The following PEX19 variants were observed in gnomAD, a reference collection of about 807,000 sequenced individuals.
PEX19 encodes the protein 33 kDa housekeeping protein.
PEX19 carries 29 observed loss-of-function variants against 36.3 expected under a neutral mutation model. The ratio of observed to expected loss-of-function variants is 0.80; its 90% CI spans 0.60 to 1.09. The LOEUF (loss-of-function observed/expected upper bound fraction) is 1.09, where lower values mean the gene tolerates loss of function less well. Ranked by LOEUF, PEX19 falls within the 50% of genes least tolerant of loss-of-function variation. PEX19 has a pLI of 0.00. For missense variants in PEX19, 396 were observed against 368.1 expected, an observed-to-expected ratio of 1.08 and a Z score of -0.62; for synonymous variants, 141 against 135.2, an observed-to-expected ratio of 1.04 and a Z score of -0.30.
chr1:160,279,958 A>G, intron 6 of PEX19, 112 bp downstream of exon 6: 1 of 1,361,082 alleles, frequency 7.3e-7, no homozygotes, highest in Admixed American at 1.7e-5. Flanking sequence ...AGAGATCACA[A>G]GAGAGGATCC....
chr1:160,282,617 C>A, intron 3 of PEX19, 115 bp from the exon 4 acceptor site: 1 of 817,826 alleles, frequency 1.2e-6, no homozygotes. Context: ...CACTCCCAAT[C>A]TTGGAAAACC....
chr1:160,282,583 A>C, intron 3 of PEX19, 81 bp from the exon 4 acceptor site: 1 of 1,023,478 alleles, frequency 9.8e-7, no homozygotes, highest in African/African-American at 1.6e-5. Context: ...CTTGGATATG[A>C]AGCATTTACT....
rs1486056726 is a variant in PEX19 at position 160,279,031 on chromosome 1, G to C, written c.*520C>G. On this transcript the variant is annotated 3_prime_UTR_variant, in exon 8 of 8. Transcript: ENST00000368072. ...CCTTTCCCTTTAGAGAATTCAGAAT[G>C]GTCTGTCTGAAGGCAAGAGAGCATA... The C allele has an allele frequency of 4.4e-6, 2 of 454,276 alleles. No individual in the cohort carries two copies. The highest frequency in any genetic ancestry group is 2.0e-5 in the African/African-American group (1 of 50,102). 28.1% of individuals were successfully genotyped at this position (454,276 alleles called of 1,614,324 possible).
chr1:160,277,951 A>C lies in PEX19; in HGVS notation c.*1600T>G, dbSNP rs1657606646. On this transcript the variant is annotated 3_prime_UTR_variant, in exon 8 of 8. Coordinates refer to ENST00000368072, the MANE Select transcript of PEX19 (RefSeq NM_002857.4). ...CCAAATAGCCTGAGACCTTGAGAAC[A>C]TTTCCTTCCTCACCAATACCATAAA... is the stretch of plus-strand genomic sequence containing the variant. The C allele has an allele frequency of 1.4e-6, 1 of 695,186 alleles. No individual in the cohort carries two copies. Among genetic ancestry groups the C allele is most frequent in the East Asian group, 2.7e-5 (1 of 36,786 alleles). The allele number at this position is 695,186 out of a possible 1,614,324, so 43.1% of individuals were successfully genotyped here.
At position 160,278,812 on chromosome 1, in the gene PEX19, A is replaced by C. The variant is rs1449505776; in HGVS notation, c.*739T>G. ...TAAACAGGTGTTTAAAAAAGAGAGG[A>C]GGTAAAAGGGAGGATGGGCAGGGGA... On this transcript the variant is annotated 3_prime_UTR_variant, in exon 8 of 8. Coordinates refer to ENST00000368072, the MANE Select transcript of PEX19 (RefSeq NM_002857.4). 2 of 453,832 alleles carry C rather than the reference A, an allele frequency of 4.4e-6. No homozygotes were observed. The highest frequency in any genetic ancestry group is 8.8e-6 in the Non-Finnish European group (2 of 226,760). 28.1% of individuals were successfully genotyped at this position (453,832 alleles called of 1,614,324 possible). A position where few individuals can be genotyped will look rare whatever the true frequency, so the allele number is the denominator to read the frequency against.
In PEX19 at chr1:160,278,448, G is replaced by A. The variant is rs561417695; in HGVS notation, c.*1103C>T. ...TAATATACCTCACTCTGCAACTTAC[G>A]GAAGCTGAGGAAGATCAGAAAAAGA... is the stretch of plus-strand genomic sequence containing the variant. On this transcript the variant is annotated 3_prime_UTR_variant, in exon 8 of 8. Transcript: ENST00000368072. 90 of 566,966 alleles carry A rather than the reference G, an allele frequency of 1.6e-4. 2 individuals are homozygous for A. Among genetic ancestry groups the A allele is most frequent in the South Asian group, 7.2e-4 (47 of 65,488 alleles). The allele number at this position is 566,966 out of a possible 1,614,324, so 35.1% of individuals were successfully genotyped here.
intron 3 of PEX19, 74 bp from the exon 4 acceptor site, chr1:160,282,576 G>A: frequency 1.8e-6 from 2 of 1,112,742 alleles, no homozygotes; most frequent in South Asian, 1.3e-5. Flanking sequence ...TTAACAGCTT[G>A]GATATGAAGC....
At position 160,284,309 on chromosome 1, in the gene PEX19, T is replaced by C. The variant is rs201601057; in HGVS notation, c.71-670A>G. ...TTTCTGCCTGCCCACATCTCCGTGA[T>C]TGAGCAAGCGATTACAAATTCACCT... On this transcript the variant is annotated intron_variant, in intron 1 of 7. Coordinates refer to ENST00000368072, the MANE Select transcript of PEX19 (RefSeq NM_002857.4). The C allele has an allele frequency of 7.4e-6, 3 of 404,630 alleles. No individual in the cohort carries two copies. In the East Asian group the frequency reaches 2.1e-4, roughly 29 times the overall value. 25.1% of individuals were successfully genotyped at this position (404,630 alleles called of 1,614,324 possible).
intron 1 of PEX19, among the ~76,000 whole-genome samples, chr1:160,284,846 G>A (rs1218728779): frequency 5.9e-5 from 9 of 152,158 alleles, no homozygotes; most frequent in Admixed American, 5.9e-4. Context: ...GGACCACTGA[G>A]GGACCCCAGG....
chr1:160,283,244 T>C, intron 2 of PEX19, 135 bp from the exon 3 acceptor site: 1 of 981,338 alleles, frequency 1.0e-6, no homozygotes, highest in Non-Finnish European at 1.6e-6. Context: ...TTCTAACTAC[T>C]GCTCCTAATG....
At chr1:160,280,634 G>A (rs1657736952) in intron 5 of PEX19, among the ~76,000 whole-genome samples, 1 of 151,604 alleles carries the variant, frequency 6.6e-6, no homozygotes, top group Non-Finnish European at 1.5e-5. Context: ...CCTCCCACCT[G>A]AGCCTCCCCA....
chr1:160,279,317 T>C lies in PEX19; in HGVS notation c.*234A>G, dbSNP rs1407782929. On this transcript the variant is annotated 3_prime_UTR_variant, in exon 8 of 8. Coordinates refer to ENST00000368072, the MANE Select transcript of PEX19 (RefSeq NM_002857.4). ...ACCTTGCAGGTAGCTGGAACTTTGA[T>C]AGTGGCAGAAACCACAATGGAGTAG... The C allele has an allele frequency of 1.5e-6, 1 of 676,482 alleles. No homozygotes were observed. 41.9% of individuals were successfully genotyped at this position (676,482 alleles called of 1,614,324 possible). A position where few individuals can be genotyped will look rare whatever the true frequency, so the allele number is the denominator to read the frequency against.
chr1:160,278,442 A>T lies in PEX19; in HGVS notation c.*1109T>A. 3 of 583,750 alleles carry T rather than the reference A, an allele frequency of 5.1e-6. No homozygotes were observed. Among genetic ancestry groups the T allele is most frequent in the Non-Finnish European group, 9.6e-6 (3 of 312,572 alleles). 36.2% of individuals were successfully genotyped at this position (583,750 alleles called of 1,614,324 possible). A position where few individuals can be genotyped will look rare whatever the true frequency, so the allele number is the denominator to read the frequency against. On this transcript the variant is annotated 3_prime_UTR_variant, in exon 8 of 8. Coordinates refer to ENST00000368072, the MANE Select transcript of PEX19 (RefSeq NM_002857.4). ...GTCTCCTAATATACCTCACTCTGCA[A>T]CTTACGGAAGCTGAGGAAGATCAGA... is the stretch of plus-strand genomic sequence containing the variant.
rs553053706 is a variant in PEX19, at chr1:160,277,394, T to C, written c.*2157A>G. On this transcript the variant is annotated 3_prime_UTR_variant, in exon 8 of 8. Transcript: ENST00000368072. Reference sequence around the variant, plus strand: ...CACAGTGTGAACTCCATACCTGTCATGGGCAATAGGAATGCATATTGATAA... The same window carrying C: ...CACAGTGTGAACTCCATACCTGTCACGGGCAATAGGAATGCATATTGATAA... 6.6e-6 allele frequency: 3 copies of C among 456,098 alleles called. No individual in the cohort carries two copies. Among genetic ancestry groups the C allele is most frequent in the African/African-American group, 6.0e-5 (3 of 50,204 alleles). 28.3% of individuals were successfully genotyped at this position (456,098 alleles called of 1,614,324 possible). A position where few individuals can be genotyped will look rare whatever the true frequency, so the allele number is the denominator to read the frequency against.
intron 1 of PEX19, among the ~76,000 whole-genome samples, chr1:160,283,889 T>A (rs1657890728): frequency 6.6e-6 from 1 of 152,166 alleles, no homozygotes; most frequent in Non-Finnish European, 1.5e-5. Flanking sequence ...ATCTCAGAGC[T>A]GGGAGGAGAG....
chr1:160,277,718 A>G lies in PEX19; in HGVS notation c.*1833T>C, dbSNP rs1388000692. The G allele has an allele frequency of 1.3e-5, 6 of 458,738 alleles. No homozygotes were observed. In the East Asian group the frequency reaches 4.1e-4, roughly 31 times the overall value. 28.4% of individuals were successfully genotyped at this position (458,738 alleles called of 1,614,324 possible). A position where few individuals can be genotyped will look rare whatever the true frequency, so the allele number is the denominator to read the frequency against. On this transcript the variant is annotated 3_prime_UTR_variant, in exon 8 of 8. Transcript: ENST00000368072. The stretch of plus-strand genomic sequence containing the variant: ...TGGTAGGACAGAAGGCACAAGGTTC[A>G]TAGAGAAGGGCTCTTTTGTTCTTCC...
At position 160,277,699 on chromosome 1, in the gene PEX19, G is replaced by C. The variant is rs370387085; in HGVS notation, c.*1852C>G. The C allele has an allele frequency of 2.8e-5, 13 of 456,506 alleles. No homozygotes were observed. The East Asian group carries it at 7.6e-4, about 27-fold the overall frequency. 28.3% of individuals were successfully genotyped at this position (456,506 alleles called of 1,614,324 possible). A position where few individuals can be genotyped will look rare whatever the true frequency, so the allele number is the denominator to read the frequency against. On this transcript the variant is annotated 3_prime_UTR_variant, in exon 8 of 8. Transcript: ENST00000368072. ...AGAATCTGTAAAAGAAAACTGGTAGGACAGAAGGCACAAGGTTCATAGAGA... is the reference window on the plus strand; with the variant it reads ...AGAATCTGTAAAAGAAAACTGGTAGCACAGAAGGCACAAGGTTCATAGAGA...
Position 160,277,573 on chromosome 1 carries a change from CAAA to C in PEX19, c.*1975_*1977del, listed in dbSNP as rs1192289108. 4.4e-6 allele frequency: 2 copies of C among 454,042 alleles called. No homozygotes were observed. The highest frequency in any genetic ancestry group is 4.0e-5 in the African/African-American group (2 of 49,994). 28.1% of individuals were successfully genotyped at this position (454,042 alleles called of 1,614,324 possible). ...TGAGGTCAACCTGCTCACATTCAATCAAAATCAAAATAAAAATGAGTGCCTTGG... is the reference window on the plus strand; with the variant it reads ...TGAGGTCAACCTGCTCACATTCAATCATCAAAATAAAAATGAGTGCCTTGG... On this transcript the variant is annotated 3_prime_UTR_variant, in exon 8 of 8. Coordinates refer to ENST00000368072, the MANE Select transcript of PEX19 (RefSeq NM_002857.4).
At position 160,279,359 on chromosome 1, in the gene PEX19, C is replaced by T; in HGVS notation, c.*192G>A. ...ATGGAGTAGGGTTCACAGAAATGGC[C>T]TGTGAAACAGACCCTATTCCTAGAG... is the stretch of plus-strand genomic sequence containing the variant. On this transcript the variant is annotated 3_prime_UTR_variant, in exon 8 of 8. Coordinates refer to ENST00000368072, the MANE Select transcript of PEX19 (RefSeq NM_002857.4). 1.4e-6 allele frequency: 1 copy of T among 697,212 alleles called. No homozygotes were observed. Among genetic ancestry groups the T allele is most frequent in the Non-Finnish European group, 2.6e-6 (1 of 382,976 alleles). 43.2% of individuals were successfully genotyped at this position (697,212 alleles called of 1,614,324 possible).
Sources: gnomAD v4.1 joint callset for allele counts (sites outside exome capture counted in the v4.1 genomes callset) on GRCh38, gnomAD v4.1.1 for gene constraint, MANE v1.5 for transcripts, NCBI Gene and HGNC (gene_info 2026-07-23, HGNC 2026-07-21) for gene names.